TSHR: variants seen among roughly 807,000 people sequenced by gnomAD.
TSHR encodes the protein thyrotropin receptor.
TSHR carries 51 observed loss-of-function variants against 64.1 expected under a neutral mutation model. That is an observed-to-expected ratio of 0.80 (90% confidence interval 0.64 to 1.01). The LOEUF is 1.01. TSHR is among the 50% of genes least tolerant of loss of function. The pLI is 0.00. For synonymous variants in TSHR, 361 were observed against 361.9 expected (o/e 1.00, Z 0.03); for missense variants, 877 against 942.8 (o/e 0.93, Z 0.91).
At chr14:81,109,278 G>A (rs977220464) in intron 8 of TSHR, among the ~76,000 whole-genome samples, 12 of 152,036 alleles carry the variant, frequency 7.9e-5, no homozygotes, top group Middle Eastern at 3.4e-3. Context: ...GCGTAGTGGC[G>A]GGTGCCTGTA....
At chr14:81,077,755 T>C (rs1375091511) in intron 3 of TSHR, among the ~76,000 whole-genome samples, 1 of 152,220 alleles carries the variant, frequency 6.6e-6, no homozygotes, top group Non-Finnish European at 1.5e-5. Context: ...CTGTTCTTTG[T>C]TCCTTTATTT....
chr14:81,143,828 C>T lies in TSHR; in HGVS notation c.1770C>T (p.Asn590=). The T allele has an allele frequency of 6.2e-7, 1 of 1,614,098 alleles. No homozygotes were observed. The highest frequency in any genetic ancestry group is 8.5e-7 in the Non-Finnish European group (1 of 1,180,034). ...ATATTGTTTTTGTTCTGACGCTCAA[C>T]ATAGTTGCCTTCGTCATCGTCTGCT... ...LAYIVFVLTL[N]IVAFVIVCCC... Residue 590 remains asparagine, a synonymous_variant, in exon 10 of 10, where the codon AAC becomes AAT. Transcript: ENST00000298171.
intron 1 of TSHR, among the ~76,000 whole-genome samples, chr14:80,980,675 G>A (rs1397987159): frequency 2.0e-5 from 3 of 152,100 alleles, no homozygotes; most frequent in Non-Finnish European, 2.9e-5. Flanking sequence ...GAAGTTCTTA[G>A]CCATTATCTC....
At chr14:81,069,046 T>C (rs1886868733) in intron 3 of TSHR, among the ~76,000 whole-genome samples, 1 of 152,210 alleles carries the variant, frequency 6.6e-6, no homozygotes, top group African/African-American at 2.4e-5. Flanking sequence ...GTATTACTAA[T>C]CATGAACTCT....
chr14:80,963,461 C>T (rs189937340), intron 1 of TSHR, among the ~76,000 whole-genome samples: 367 of 151,990 alleles, frequency 2.4e-3, no homozygotes, highest in Admixed American at 4.6e-3. Context: ...ACAACAACAA[C>T]AAAAAACAGA....
chr14:81,071,713 A>T (rs983629623), intron 3 of TSHR, among the ~76,000 whole-genome samples: 3 of 152,206 alleles, frequency 2.0e-5, no homozygotes, highest in Non-Finnish European at 2.9e-5. Context: ...GTGAGCTATG[A>T]TCACACCACT....
chr14:81,077,764 T>A, intron 3 of TSHR, among the ~76,000 whole-genome samples: 1 of 152,196 alleles, frequency 6.6e-6, no homozygotes, highest in Middle Eastern at 3.2e-3. Flanking sequence ...GTTCCTTTAT[T>A]TCTCCTTGTC....
chr14:81,094,894 T>C (rs2139993156), intron 6 of TSHR, among the ~76,000 whole-genome samples: 1 of 152,078 alleles, frequency 6.6e-6, no homozygotes, highest in South Asian at 2.1e-4. Flanking sequence ...TCTGCAACCT[T>C]TTGATTGGGC....
At chr14:81,006,276 T>C (rs1056601225) in intron 1 of TSHR, among the ~76,000 whole-genome samples, 2 of 152,176 alleles carry the variant, frequency 1.3e-5, no homozygotes, top group African/African-American at 4.8e-5. Context: ...CAGTTTATTT[T>C]CTCTCAGTTC....
chr14:80,956,233 A>T (rs1405504707), intron 1 of TSHR, among the ~76,000 whole-genome samples: 1 of 152,224 alleles, frequency 6.6e-6, no homozygotes, highest in Non-Finnish European at 1.5e-5. Context: ...TTGGGTAATA[A>T]AAAATTGCAA....
At chr14:81,005,590 A>G (rs1889561440) in intron 1 of TSHR, among the ~76,000 whole-genome samples, 1 of 152,290 alleles carries the variant, frequency 6.6e-6, no homozygotes, top group South Asian at 2.1e-4. Context: ...GTTGCTTCTC[A>G]AGCTGTGGTG....
rs786204790 is a variant in TSHR at position 81,092,607 on chromosome 14, CTG to C, written c.545+2_545+3del. 1.5e-5 allele frequency: 24 copies of C among 1,613,684 alleles called. No homozygotes were observed. Among genetic ancestry groups the C allele is most frequent in the Non-Finnish European group, 1.6e-5 (19 of 1,179,756 alleles). On this transcript the variant is annotated splice_donor_variant and coding_sequence_variant, in exon 6 of 10. Coordinates refer to ENST00000298171, the MANE Select transcript of TSHR (RefSeq NM_000369.5). LOFTEE classifies it high-confidence loss of function. The stretch of plus-strand genomic sequence containing the variant: ...GGGACTATGCAATGAAACCTTGACA[CTG>C]TGAGTATTACCAGTTCTACTCCCTC...
At chr14:81,125,713 G>C (rs1890994420) in intron 8 of TSHR, among the ~76,000 whole-genome samples, 1 of 152,118 alleles carries the variant, frequency 6.6e-6, no homozygotes, top group South Asian at 2.1e-4. Flanking sequence ...GGGGAGGCTT[G>C]CATGCTAGGC....
rs886050854 is a variant in TSHR, at chr14:81,108,369, C to G, written c.615-6C>G. On this transcript the variant is annotated splice_polypyrimidine_tract_variant and splice_region_variant and intron_variant, in intron 7 of 9. Coordinates refer to ENST00000298171, the MANE Select transcript of TSHR (RefSeq NM_000369.5). ...TCTCTCTCTCTCTTTCTCTCTCTCC[C>G]TCTAGTTACCTAAACAAGAATAAAT... is the stretch of plus-strand genomic sequence containing the variant. The G allele has an allele frequency of 3.7e-6, 6 of 1,606,798 alleles. No homozygotes were observed. The highest frequency in any genetic ancestry group is 1.1e-5 in the South Asian group (1 of 90,792).
At chr14:80,992,364 C>T (rs964839639) in intron 1 of TSHR, 1 of 128,612 alleles carries the variant, frequency 7.8e-6, no homozygotes, top group African/African-American at 3.1e-5. Context: ...CATGCCACTG[C>T]ACAGAGAGAC....
rs2140114384 is a variant in TSHR, at chr14:81,144,246, C to A, written c.2188C>A (p.Gln730Lys). Reference sequence around the variant, plus strand: ...TCAAAAGGTTACCCACGAGATGAGGCAGGGTCTCCACAACATGGAAGATGT... The same window carrying A: ...TCAAAAGGTTACCCACGAGATGAGGAAGGGTCTCCACAACATGGAAGATGT... ...QVQKVTHEMR[Q>K]GLHNMEDVYE... is the part of the protein sequence containing the mutation. The change falls in exon 10 of 10, where the codon CAG becomes AAG. Residue 730 changes from glutamine (Q) to lysine (K), a missense_variant. Gln to Lys is a moderately conservative substitution (Grantham distance 53, BLOSUM62 1). Transcript: ENST00000298171. The A allele has an allele frequency of 6.2e-7, 1 of 1,613,524 alleles. No homozygotes were observed. The highest frequency in any genetic ancestry group is 8.5e-7 in the Non-Finnish European group (1 of 1,179,680).
intron 1 of TSHR, among the ~76,000 whole-genome samples, chr14:81,015,399 G>A (rs1022676866): frequency 2.6e-5 from 4 of 151,964 alleles, no homozygotes; most frequent in Non-Finnish European, 4.4e-5. Flanking sequence ...TTTTCAAGAC[G>A]GGCAAGAGTT....
intron 3 of TSHR, chr14:81,068,546 T>A: frequency 1.9e-6 from 1 of 532,598 alleles, no homozygotes; most frequent in South Asian, 2.0e-5. Context: ...CATTAAAAGT[T>A]CTGTTCTTGA....
intron 8 of TSHR, among the ~76,000 whole-genome samples, chr14:81,125,312 G>A (rs79475409): frequency 0.086 from 13,122 of 151,942 alleles, 712 homozygotes; most frequent in South Asian, 0.13. Context: ...GTGTTCAGAG[G>A]AAAAAAAATT....
Sources: gnomAD v4.1 joint callset for allele counts (sites outside exome capture counted in the v4.1 genomes callset) on GRCh38, gnomAD v4.1.1 for gene constraint, MANE v1.5 for transcripts, NCBI Gene and HGNC (gene_info 2026-07-23, HGNC 2026-07-21) for gene names.